Variants in PCDHGB7 observed in about 807,000 individuals in gnomAD.
The protein encoded by PCDHGB7 is protocadherin gamma subfamily B, 7, also known as protocadherin gamma-B7.
PCDHGB7 carries 37 observed loss-of-function variants against 61.4 expected under a neutral mutation model. The ratio of observed to expected loss-of-function variants is 0.60; its 90% CI spans 0.46 to 0.79. The LOEUF (loss-of-function observed/expected upper bound fraction) is 0.79, where lower values mean the gene tolerates loss of function less well. Among genes scored for constraint, PCDHGB7 ranks in the 30% least tolerant of loss-of-function variants. The pLI, the probability that PCDHGB7 is intolerant of heterozygous loss-of-function variation, is 0.00. For synonymous variants in PCDHGB7, 464 were observed against 503.5 expected, an observed-to-expected ratio of 0.92 and a Z score of 1.05; for missense variants, 1,166 against 1,202.5, an observed-to-expected ratio of 0.97 and a Z score of 0.45.
rs189987196 is a variant in PCDHGB7, at chr5:141,420,754, C to T, written c.2415+480C>T. Among the ~76,000 whole-genome samples, 291 of 152,292 alleles carry T rather than the reference C, an allele frequency of 1.9e-3. 2 individuals carry two copies. The highest frequency in any genetic ancestry group is 3.6e-3 in the Non-Finnish European group (248 of 68,020). On this transcript the variant is annotated intron_variant, in intron 1 of 3. Coordinates refer to ENST00000398594, the MANE Select transcript of PCDHGB7 (RefSeq NM_018927.4). ...TAAAATCAATTGGAACCAACTACAA[C>T]CTACAAGTTTTCAGCTCCAGTAATA... is the stretch of plus-strand genomic sequence containing the variant.
chr5:141,430,933 G>C (rs2097327058), intron 1 of PCDHGB7: 1 of 1,607,608 alleles, frequency 6.2e-7, no homozygotes, highest in East Asian at 2.2e-5. Flanking sequence ...AGCCCCGGGA[G>C]CTCGCGGAGC....
chr5:141,418,499 G>A lies in PCDHGB7; in HGVS notation c.640G>A (p.Ala214Thr), dbSNP rs775606988. Residue 214 changes from alanine (A) to threonine (T), a missense_variant, in exon 1 of 4, where the codon GCC becomes ACC. Transcript: ENST00000398594. ...TQSAHHLVLTALDGGDPPRSG... is the reference protein window; with the variant it reads ...TQSAHHLVLTTLDGGDPPRSG... ...GAGCGCTCACCACTTGGTACTGACCGCCTTAGATGGTGGGGACCCTCCCCG... is the reference window on the plus strand; with the variant it reads ...GAGCGCTCACCACTTGGTACTGACCACCTTAGATGGTGGGGACCCTCCCCG... 6.2e-7 allele frequency: 1 copy of A among 1,613,962 alleles called. No individual in the cohort carries two copies. The highest frequency in any genetic ancestry group is 8.5e-7 in the Non-Finnish European group (1 of 1,179,880).
Position 141,421,984 on chromosome 5 carries a change from C to G in PCDHGB7, c.2415+1710C>G, listed in dbSNP as rs201871921. On this transcript the variant is annotated intron_variant, in intron 1 of 3. Transcript: ENST00000398594. ...ACAGTCCGTATATCGCGTGAGTGTT[C>G]CAGAAAACATCAGCTCCGGAACTCG... 21 of 1,608,770 alleles carry G rather than the reference C, an allele frequency of 1.3e-5. No homozygotes were observed. In the Admixed American group the frequency reaches 2.4e-4, roughly 18 times the overall value.
Position 141,432,016 on chromosome 5 carries a change from C to T in PCDHGB7, c.2415+11742C>T, listed in dbSNP as rs771650925. The T allele has an allele frequency of 1.2e-6, 2 of 1,614,202 alleles. No homozygotes were observed. The highest frequency in any genetic ancestry group is 3.3e-5 in the Admixed American group (2 of 60,030). On this transcript the variant is annotated intron_variant, in intron 1 of 3. Coordinates refer to ENST00000398594, the MANE Select transcript of PCDHGB7 (RefSeq NM_018927.4). This position sits in a 1 kb window ranked among gnomAD's most constrained non-coding sequence, Gnocchi z 6.0. ...ATAGGGAACAGGTTCCTAGCTACAA[C>T]ATCACAGTGACCGCCACTGACCGGG...
chr5:141,498,994 AAGG>A (rs1310594976), intron 2 of PCDHGB7, among the ~76,000 whole-genome samples: 4 of 148,560 alleles, frequency 2.7e-5, no homozygotes, highest in Non-Finnish European at 4.5e-5. Flanking sequence ...GGAAGGAAGG[AAGG>A]AAGGAAGGAA....
Position 141,490,710 on chromosome 5 carries a change from C to G in PCDHGB7, c.2416-4097C>G, listed in dbSNP as rs1158575765. On this transcript the variant is annotated intron_variant, in intron 1 of 3. Coordinates refer to ENST00000398594, the MANE Select transcript of PCDHGB7 (RefSeq NM_018927.4). The surrounding 1 kb of genome is among the most constrained non-coding windows in gnomAD (Gnocchi z 5.4). ...ACACTGGGGATAATGCCCGCCTCAC[C>G]TACTCCATTGTAGGAAATCAGGTTC... 6.2e-7 allele frequency: 1 copy of G among 1,614,208 alleles called. No homozygotes were observed. The highest frequency in any genetic ancestry group is 8.5e-7 in the Non-Finnish European group (1 of 1,180,030).
At chr5:141,475,871 A>G (rs568810142) in intron 1 of PCDHGB7, 17 of 513,152 alleles carry the variant, frequency 3.3e-5, no homozygotes, top group Middle Eastern at 5.1e-4. Context: ...TTCTTCGTGC[A>G]GTTATTGGCT....
At chr5:141,428,551 G>A (rs1192248816) in intron 1 of PCDHGB7, 1 of 254,070 alleles carries the variant, frequency 3.9e-6, no homozygotes, top group Non-Finnish European at 7.8e-6. Flanking sequence ...ACCAGAAACA[G>A]TCCCCCCACA....
rs201408987 is a variant in PCDHGB7, at chr5:141,476,857, C to T, written c.2416-17950C>T. 12 of 1,613,768 alleles carry T rather than the reference C, an allele frequency of 7.4e-6. No individual in the cohort carries two copies. The highest frequency in any genetic ancestry group is 1.0e-5 in the Non-Finnish European group (12 of 1,180,054). ...ACAATGCGCCTGTCTTCAACCAGTC[C>T]TTGTACCGGGCGCGCGTCCTGGAGG... On this transcript the variant is annotated intron_variant, in intron 1 of 3. Transcript: ENST00000398594. The surrounding 1 kb of genome is among the most constrained non-coding windows in gnomAD (Gnocchi z 7.6).
Position 141,423,519 on chromosome 5 carries a change from G to A in PCDHGB7, c.2415+3245G>A, listed in dbSNP as rs758742300. On this transcript the variant is annotated intron_variant, in intron 1 of 3. Coordinates refer to ENST00000398594, the MANE Select transcript of PCDHGB7 (RefSeq NM_018927.4). ...ACGAGGTCTCTCTCATTGCGGACTC[G>A]CAGAAGAGTCACCTGATTTTCCCCC... 8.1e-6 allele frequency: 13 copies of A among 1,613,752 alleles called. 1 individual carries two copies. In the South Asian group the frequency reaches 1.1e-4, roughly 14 times the overall value.
intron 1 of PCDHGB7, among the ~76,000 whole-genome samples, chr5:141,475,364 G>C (rs2099362607): frequency 6.6e-6 from 1 of 152,200 alleles, no homozygotes; most frequent in Admixed American, 6.5e-5. Flanking sequence ...AATAAAATCT[G>C]AATTGTACTT....
chr5:141,432,061 G>T lies in PCDHGB7; in HGVS notation c.2415+11787G>T. On this transcript the variant is annotated intron_variant, in intron 1 of 3. Coordinates refer to ENST00000398594, the MANE Select transcript of PCDHGB7 (RefSeq NM_018927.4). The surrounding 1 kb of genome is among the most constrained non-coding windows in gnomAD (Gnocchi z 6.0). ...ACCGGGGAACCCCGCCCCTATCCAC[G>T]GAAACTCATATCTCGCTGAACGTGG... 1.9e-6 allele frequency: 3 copies of T among 1,614,130 alleles called. No homozygotes were observed. The highest frequency in any genetic ancestry group is 2.5e-6 in the Non-Finnish European group (3 of 1,180,034).
At chr5:141,448,999 G>GT (rs910018882) in intron 1 of PCDHGB7, among the ~76,000 whole-genome samples, 19 of 151,698 alleles carry the variant, frequency 1.3e-4, no homozygotes, top group South Asian at 2.1e-4. Flanking sequence ...ATAGAAAGCT[G>GT]TTTTTTTTAA....
chr5:141,443,656 A>T (rs139300845), intron 1 of PCDHGB7, among the ~76,000 whole-genome samples: 1 of 152,256 alleles, frequency 6.6e-6, no homozygotes, highest in African/African-American at 2.4e-5. Flanking sequence ...TTAGCATAGC[A>T]TTTTACTGAA....
At chr5:141,508,295 G>C (rs989632251) in intron 3 of PCDHGB7, 5 of 152,202 alleles carry the variant, frequency 3.3e-5, no homozygotes, top group Non-Finnish European at 7.3e-5. Context: ...TGGGCCTTGG[G>C]GGGAGTGGGG....
rs1378155402 is a variant in PCDHGB7 at position 141,418,857 on chromosome 5, T to G, written c.998T>G (p.Val333Gly). The change falls in exon 1 of 4, where the codon GTA becomes GGA. Residue 333 changes from valine (V) to glycine (G), a missense_variant. Physicochemically the swap from Val to Gly is moderately radical, Grantham distance 109. Transcript: ENST00000398594. ...GGATCTCTCTCAACACGGTGTAAAG[T>G]AATTGTAGAAGTTGTAGACGAAAAC... The part of the protein sequence containing the change: ...DRGSLSTRCK[V>G]IVEVVDENDN... 6.2e-7 allele frequency: 1 copy of G among 1,613,988 alleles called. No individual in the cohort carries two copies. Among genetic ancestry groups the G allele is most frequent in the South Asian group, 1.1e-5 (1 of 91,080 alleles).
Position 141,476,472 on chromosome 5 carries a change from T to C in PCDHGB7, c.2416-18335T>C. On this transcript the variant is annotated intron_variant, in intron 1 of 3. Coordinates refer to ENST00000398594, the MANE Select transcript of PCDHGB7 (RefSeq NM_018927.4). The surrounding 1 kb of genome is among the most constrained non-coding windows in gnomAD (Gnocchi z 7.6). The stretch of plus-strand genomic sequence containing the variant: ...GTAGTGGAGAACCCGCTGGAGCTGT[T>C]CAGCGTGGAAGTGGTGATCCAGGAC... 1 of 1,614,098 alleles carries C rather than the reference T, an allele frequency of 6.2e-7. No homozygotes were observed. The highest frequency in any genetic ancestry group is 8.5e-7 in the Non-Finnish European group (1 of 1,180,024).
At position 141,487,769 on chromosome 5, in the gene PCDHGB7, T is replaced by C. The variant is rs775270506; in HGVS notation, c.2416-7038T>C. Reference sequence around the variant, plus strand: ...TAACTATGTGGTAGACGCTGTGCTTTGTAACTGTTTCGTGAATTAACCAGA... The same window carrying C: ...TAACTATGTGGTAGACGCTGTGCTTCGTAACTGTTTCGTGAATTAACCAGA... On this transcript the variant is annotated intron_variant, in intron 1 of 3. Transcript: ENST00000398594. The surrounding 1 kb of genome is among the most constrained non-coding windows in gnomAD (Gnocchi z 5.0). 8 of 1,538,288 alleles carry C rather than the reference T, an allele frequency of 5.2e-6. No homozygotes were observed. The highest frequency in any genetic ancestry group is 1.2e-5 in the South Asian group (1 of 82,608).
In PCDHGB7 at chr5:141,512,088, A is replaced by G. The variant is rs192947391; in HGVS notation, c.*915A>G. 2.6e-5 allele frequency: 4 copies of G among 152,772 alleles called. No individual in the cohort carries two copies. Among genetic ancestry groups the G allele is most frequent in the Admixed American group, 6.5e-5 (1 of 15,306 alleles). 9.5% of individuals were successfully genotyped at this position (152,772 alleles called of 1,614,324 possible). On this transcript the variant is annotated 3_prime_UTR_variant, in exon 4 of 4. Transcript: ENST00000398594. ...TCCTCCAGATTCCAGCCATAAACCAATAACTAGGCTGGACCCTTCCCACTA... is the reference window on the plus strand; with the variant it reads ...TCCTCCAGATTCCAGCCATAAACCAGTAACTAGGCTGGACCCTTCCCACTA...
Sources: allele counts gnomAD v4.1 joint callset (sites outside exome capture counted in the v4.1 genomes callset), GRCh38; gene constraint gnomAD v4.1.1; non-coding constraint Gnocchi (gnomAD v3.1); transcripts MANE v1.5; gene names NCBI Gene and HGNC (gene_info 2026-07-23, HGNC 2026-07-21).